Variants in NOTCH4 observed in about 807,000 individuals in gnomAD.
The protein encoded by NOTCH4 is notch receptor 4, also known as neurogenic locus notch homolog protein 4.
Under a neutral mutation model 189.0 loss-of-function variants are expected in NOTCH4, and 138 were observed. The ratio of observed to expected loss-of-function variants is 0.73; its 90% confidence interval spans 0.64 to 0.84. The LOEUF is 0.84. Ranked by LOEUF, NOTCH4 falls within the 40% of genes least tolerant of loss-of-function variation. The pLI is 0.00. For synonymous variants in NOTCH4, 942 were observed against 1,032.8 expected (o/e 0.91, Z 1.69); for missense variants, 2,286 against 2,605.4 (o/e 0.88, Z 2.67).
rs1306341769 is a variant in NOTCH4, at chr6:32,213,132, C to T, written c.2438+3G>A. 1.9e-6 allele frequency: 3 copies of T among 1,609,200 alleles called. No homozygotes were observed. The highest frequency in any genetic ancestry group is 2.6e-6 in the Non-Finnish European group (3 of 1,175,936). On this transcript the variant is annotated splice_donor_region_variant and intron_variant, in intron 15 of 29. Transcript: ENST00000375023. The stretch of plus-strand genomic sequence containing the variant: ...CTTCTAGGGGTCTTTGGGCCCTGCT[C>T]ACCTGTCTGCACAGCTGGGGCGGAG...
At chr6:32,214,729 G>A (rs1413218444) in intron 12 of NOTCH4, among the ~76,000 whole-genome samples, 1 of 151,786 alleles carries the variant, frequency 6.6e-6, no homozygotes, top group Non-Finnish European at 1.5e-5. Context: ...TTGGGTTCAA[G>A]TGATCCTTCC....
chr6:32,201,674 C>T lies in NOTCH4; in HGVS notation c.3756-174G>A. The T allele has an allele frequency of 2.0e-6, 1 of 507,918 alleles. No homozygotes were observed. Among genetic ancestry groups the T allele is most frequent in the Non-Finnish European group, 3.3e-6 (1 of 307,296 alleles). The allele number at this position is 507,918 out of a possible 1,614,324, so 31.5% of individuals were successfully genotyped here. ...GATGGTAGTCCAGACACCCCAATGTCTGCTAACACCCCTGTCTCCCTAGAC... is the reference window on the plus strand; with the variant it reads ...GATGGTAGTCCAGACACCCCAATGTTTGCTAACACCCCTGTCTCCCTAGAC... On this transcript the variant is annotated intron_variant, in intron 21 of 29. Transcript: ENST00000375023. This position sits in a 1 kb window ranked among gnomAD's most constrained non-coding sequence, Gnocchi z 5.5.
In NOTCH4 at chr6:32,222,621, C is replaced by T; in HGVS notation, c.341G>A (p.Cys114Tyr). The T allele has an allele frequency of 6.2e-7, 1 of 1,603,604 alleles. No homozygotes were observed. The highest frequency in any genetic ancestry group is 8.5e-7 in the Non-Finnish European group (1 of 1,176,842). ...TCLPGFTGER[C>Y]QAKLEDPCPP... ...ACAAGGGTCTTCAAGCTTGGCCTGG[C>T]ATCTCTCACCAGTGAAGCCAGGGAG... Residue 114 changes from cysteine to tyrosine, a missense_variant, in exon 3 of 30, where the codon TGC (cysteine) becomes TAC (tyrosine). Physicochemically the swap from Cys to Tyr is radical, Grantham distance 194. Coordinates refer to ENST00000375023, the MANE Select transcript of NOTCH4 (RefSeq NM_004557.4).
In NOTCH4 at chr6:32,204,257, C is replaced by G. The variant is rs945552711; in HGVS notation, c.2998G>C (p.Gly1000Arg). ...TCCACGTCTCCCTCACAGCGTAGCC[C>G]CACAAAGCCTGGAGGGCAGGCACAG... The part of the protein sequence containing the change: ...FHCACPPGFV[G>R]LRCEGDVDEC... The change falls in exon 19 of 30, where the codon GGG (glycine) becomes CGG (arginine). Residue 1000 changes from glycine to arginine, a missense_variant. By Grantham distance (125) the Gly-to-Arg change is moderately radical. Transcript: ENST00000375023. 6.8e-6 allele frequency: 11 copies of G among 1,613,062 alleles called. No individual in the cohort carries two copies. The highest frequency in any genetic ancestry group is 9.3e-6 in the Non-Finnish European group (11 of 1,180,032).
rs991117098 is a variant in NOTCH4, at chr6:32,220,624, C to A, written c.940G>T (p.Asp314Tyr). 5 of 1,613,838 alleles carry A rather than the reference C, an allele frequency of 3.1e-6. No homozygotes were observed. The Admixed American group carries it at 8.3e-5, about 27-fold the overall frequency. Reference protein sequence around the residue: ...ETWTGWDCSEDVDECETQGPP... With the variant: ...ETWTGWDCSEYVDECETQGPP... ...CCCTGGGTCTCACACTCATCCACAT[C>A]TTCGGAGCAGTCCCAGCCTGCAGGG... is the stretch of plus-strand genomic sequence containing the variant. Residue 314 changes from aspartate (D) to tyrosine (Y), a missense_variant, in exon 6 of 30, where the codon GAT (aspartate) becomes TAT (tyrosine). By Grantham distance (160) the Asp-to-Tyr change is radical (BLOSUM62 -3). This residue lies in a region of NOTCH4 where 1,903 missense variants were observed against 2,261.9 expected (regional missense o/e 0.84). Transcript: ENST00000375023.
rs759887016 is a variant in NOTCH4, at chr6:32,219,834, G to A, written c.1316-48C>T. 3.4e-6 allele frequency: 5 copies of A among 1,490,374 alleles called. No individual in the cohort carries two copies. In the South Asian group the frequency reaches 4.8e-5, roughly 14 times the overall value. The allele number at this position is 1,490,374 out of a possible 1,614,324, so 92.3% of individuals were successfully genotyped here. A position where few individuals can be genotyped will look rare whatever the true frequency, so the allele number is the denominator to read the frequency against. Reference sequence around the variant, plus strand: ...AGTCCACAGGGGTCAGGGCAGGAAGGGCAAGGAGGTGAGACTGTCAGGGAA... The same window carrying A: ...AGTCCACAGGGGTCAGGGCAGGAAGAGCAAGGAGGTGAGACTGTCAGGGAA... On this transcript the variant is annotated intron_variant, in intron 7 of 29. Coordinates refer to ENST00000375023, the MANE Select transcript of NOTCH4 (RefSeq NM_004557.4).
chr6:32,217,165 T>A lies in NOTCH4; in HGVS notation c.1726A>T (p.Lys576Ter). The change falls in exon 10 of 30, where the codon AAG becomes TAG. Residue 576 changes from lysine (K) to a stop codon, truncating the protein, a stop_gained. Coordinates refer to ENST00000375023, the MANE Select transcript of NOTCH4 (RefSeq NM_004557.4). LOFTEE classifies it high-confidence loss of function. The surrounding 1 kb of genome is among the most constrained non-coding windows in gnomAD (Gnocchi z 4.2). ...TGCCCCAGTTTACCTGGGAGACACT[T>A]GCAGTGGAAGGCTCCAGGCTGGTCC... Reference protein sequence around the residue: ...CQDQPGAFHCKCLPGFEGPRC... With the variant: ...CQDQPGAFHC The A allele has an allele frequency of 1.4e-5, 22 of 1,612,944 alleles. No homozygotes were observed. The highest frequency in any genetic ancestry group is 1.9e-5 in the Non-Finnish European group (22 of 1,179,884).
intron 20 of NOTCH4, chr6:32,203,406 C>G (rs186216360): frequency 1.2e-4 from 28 of 236,944 alleles, no homozygotes; most frequent in Non-Finnish European, 1.6e-5. Context: ...GTCAGTGTAT[C>G]AGGAACCAAA....
intron 12 of NOTCH4, among the ~76,000 whole-genome samples, 183 bp from the exon 13 acceptor site, chr6:32,214,438 G>C (rs560520906): frequency 1.2e-4 from 18 of 144,760 alleles, no homozygotes; most frequent in Non-Finnish European, 2.0e-4. Context: ...TCTCCAACTA[G>C]ATATATGCAT....
At position 32,200,772 on chromosome 6, in the gene NOTCH4, G is replaced by T; in HGVS notation, c.4315+59C>A. The T allele has an allele frequency of 7.1e-7, 1 of 1,411,330 alleles. No homozygotes were observed. Among genetic ancestry groups the T allele is most frequent in the Non-Finnish European group, 9.5e-7 (1 of 1,048,494 alleles). 87.4% of individuals were successfully genotyped at this position (1,411,330 alleles called of 1,614,324 possible). A position where few individuals can be genotyped will look rare whatever the true frequency, so the allele number is the denominator to read the frequency against. On this transcript the variant is annotated intron_variant, in intron 23 of 29. Transcript: ENST00000375023. The surrounding 1 kb of genome is among the most constrained non-coding windows in gnomAD (Gnocchi z 5.0). ...TTTGATTCAGCCTCCATTGCCTGTTGCTAGCATGAGAGCTGGCCTGGGAAC... is the reference window on the plus strand; with the variant it reads ...TTTGATTCAGCCTCCATTGCCTGTTTCTAGCATGAGAGCTGGCCTGGGAAC...
In NOTCH4 at chr6:32,200,854, G is replaced by A. The variant is rs770726820; in HGVS notation, c.4292C>T (p.Ala1431Val). 5 of 1,607,652 alleles carry A rather than the reference G, an allele frequency of 3.1e-6. No homozygotes were observed. The Admixed American group carries it at 8.5e-5, about 27-fold the overall frequency. ...ACCGGTCCCTGCATGAGGGTGGACA[G>A]CCAGCAGTGGTCCAGGCAGCAGGGG... The part of the protein sequence containing the change: ...LEPLLPGPLL[A>V]VHPHAGTAPP... The change falls in exon 23 of 30, where the codon GCT becomes GTT. Residue 1431 changes from alanine (A) to valine (V), a missense_variant. Around this residue, in one of 2 missense-constraint regions of NOTCH4, gnomAD observed 1,903 missense variants for 2,261.9 expected, o/e 0.84. Coordinates refer to ENST00000375023, the MANE Select transcript of NOTCH4 (RefSeq NM_004557.4). The surrounding 1 kb of genome is among the most constrained non-coding windows in gnomAD (Gnocchi z 5.0).
At chr6:32,218,573 C>T (rs908774820) in intron 8 of NOTCH4, among the ~76,000 whole-genome samples, 2 of 152,108 alleles carry the variant, frequency 1.3e-5, no homozygotes, top group African/African-American at 4.8e-5. Flanking sequence ...ATATTTGTCC[C>T]GTTGCTTTGG....
rs78638233 is a variant in NOTCH4, at chr6:32,203,469, A to G, written c.3231+301T>C. ...CTGAGGTCCATAAATACATATACAA[A>G]CACACACAGAGTTAAAATAACCTAT... On this transcript the variant is annotated intron_variant, in intron 20 of 29. Coordinates refer to ENST00000375023, the MANE Select transcript of NOTCH4 (RefSeq NM_004557.4). 1,683 of 426,536 alleles carry G rather than the reference A, an allele frequency of 3.9e-3. 38 individuals carry two copies. Among genetic ancestry groups the G allele is most frequent in the Admixed American group, 0.031 (739 of 24,218 alleles). The allele number at this position is 426,536 out of a possible 1,614,324, so 26.4% of individuals were successfully genotyped here.
chr6:32,206,275 A>T (rs1788674537), intron 18 of NOTCH4, among the ~76,000 whole-genome samples: 1 of 152,130 alleles, frequency 6.6e-6, no homozygotes, highest in South Asian at 2.1e-4. Flanking sequence ...AACTCAAATT[A>T]TCCATGTTCA....
Position 32,223,853 on chromosome 6 carries a change from CA to C in NOTCH4, c.73+2del. 6.2e-7 allele frequency: 1 copy of C among 1,606,212 alleles called. No individual in the cohort carries two copies. Among genetic ancestry groups the C allele is most frequent in the Non-Finnish European group, 8.5e-7 (1 of 1,178,410 alleles). The stretch of plus-strand genomic sequence containing the variant: ...CCCTCACCTCACCCACGCCATGCCT[CA>C]CCTCTGGGTCTGACCACTGAGACAC... On this transcript the variant is annotated splice_donor_variant, in intron 1 of 29. Transcript: ENST00000375023. LOFTEE classifies it high-confidence loss of function.
chr6:32,216,362 G>A (rs477785), intron 11 of NOTCH4: 7,187 of 157,266 alleles, frequency 0.046, 252 homozygotes, highest in African/African-American at 0.093. Context: ...TCCTAATCTC[G>A]GGTGATCCAC....
chr6:32,197,545 G>A lies in NOTCH4; in HGVS notation c.4806C>T (p.Ser1602=). 1.9e-6 allele frequency: 3 copies of A among 1,612,774 alleles called. No homozygotes were observed. The highest frequency in any genetic ancestry group is 2.5e-6 in the Non-Finnish European group (3 of 1,179,470). The change falls in exon 27 of 30, where the codon TCC becomes TCT. Residue 1602 remains serine, a synonymous_variant. Coordinates refer to ENST00000375023, the MANE Select transcript of NOTCH4 (RefSeq NM_004557.4). ...CCAACCATGCCCCTTGGAAGGTCCC[G>A]GACTGTACTTCCCCACAGCAAACTG... ...MSAVCCGEVQ[S]GTFQGAWLGC... is the part of the protein sequence containing the mutation.
Position 32,220,591 on chromosome 6 carries a change from G to A in NOTCH4, c.973C>T (p.His325Tyr), listed in dbSNP as rs551594218. The A allele has an allele frequency of 2.6e-4, 418 of 1,613,726 alleles. 3 individuals are homozygous for A. In the South Asian group the frequency reaches 4.2e-3, roughly 16 times the overall value. ...VDECETQGPP[H>Y]CRNGGTCQNS... The stretch of plus-strand genomic sequence containing the variant: ...TGGCAGGTGCCCCCGTTTCTGCAGT[G>A]AGGGGGACCCTGGGTCTCACACTCA... The change falls in exon 6 of 30, where the codon CAC becomes TAC. Residue 325 changes from histidine (H) to tyrosine (Y), a missense_variant. By Grantham distance (83) the His-to-Tyr change is moderately conservative (BLOSUM62 2). Transcript: ENST00000375023.
At chr6:32,218,707 C>G (rs942430753) in intron 8 of NOTCH4, among the ~76,000 whole-genome samples, 1 of 152,158 alleles carries the variant, frequency 6.6e-6, no homozygotes, top group African/African-American at 2.4e-5. Flanking sequence ...ACAATGTTGT[C>G]CCTTGGGTTA....
Sources: gnomAD v4.1 joint callset for allele counts (sites outside exome capture counted in the v4.1 genomes callset) on GRCh38, gnomAD v4.1.1 for gene constraint, gnomAD v4.1.1 regional missense constraint, Gnocchi (gnomAD v3.1) non-coding constraint, MANE v1.5 for transcripts, NCBI Gene and HGNC (gene_info 2026-07-23, HGNC 2026-07-21) for gene names.